Variants in TBC1D30 observed in about 807,000 individuals in gnomAD.
TBC1D30 encodes the protein TBC1 domain family, member 30.
Under a neutral mutation model 63.2 loss-of-function variants are expected in TBC1D30, and 31 were observed. The observed-to-expected ratio is 0.49, with a 90% CI of 0.37 to 0.66. TBC1D30 has a LOEUF of 0.66. TBC1D30 is among the 30% of genes least tolerant of loss of function. The pLI is 0.00. For missense variants in TBC1D30, 810 were observed against 953.6 expected (o/e 0.85, Z 1.98); for synonymous variants, 307 against 361.5 (o/e 0.85, Z 1.71).
rs146298033 is a variant in TBC1D30 at position 64,860,119 on chromosome 12, G to A, written c.1039-4549G>A. On this transcript the variant is annotated intron_variant, in intron 8 of 11. Coordinates refer to ENST00000539867, the MANE Select transcript of TBC1D30 (RefSeq NM_015279.2). ...TGCAGTCTTGACTTCCTGGGCTCAAGCGATTCTCCCACCTCAGCCCCCCAA... is the reference window on the plus strand; with the variant it reads ...TGCAGTCTTGACTTCCTGGGCTCAAACGATTCTCCCACCTCAGCCCCCCAA... 2.4e-3 allele frequency among the ~76,000 whole-genome samples: 361 copies of A among 151,666 alleles called. 2 individuals carry two copies. Among genetic ancestry groups the A allele is most frequent in the Non-Finnish European group, 4.4e-3 (298 of 67,934 alleles).
intron 2 of TBC1D30, among the ~76,000 whole-genome samples, chr12:64,787,852 A>G (rs1430153844): frequency 6.6e-6 from 1 of 152,210 alleles, no homozygotes; most frequent in Non-Finnish European, 1.5e-5. Context: ...CCTCGCCAAC[A>G]CGGTGAAACC....
At chr12:64,790,465 G>A (rs1007170197) in intron 2 of TBC1D30, among the ~76,000 whole-genome samples, 1 of 152,028 alleles carries the variant, frequency 6.6e-6, no homozygotes, top group Non-Finnish European at 1.5e-5. Context: ...TCCTGCATTG[G>A]TATAGTAAAT....
rs1878328596 is a variant in TBC1D30 at position 64,867,560 on chromosome 12, A to G, written c.1291+657A>G. Among the ~76,000 whole-genome samples, 3 of 151,662 alleles carry G rather than the reference A, an allele frequency of 2.0e-5. No individual in the cohort carries two copies. In the South Asian group the frequency reaches 6.3e-4, roughly 32 times the overall value. On this transcript the variant is annotated intron_variant, in intron 10 of 11. Coordinates refer to ENST00000539867, the MANE Select transcript of TBC1D30 (RefSeq NM_015279.2). ...GTATTATGTGTTGCATGCGTAGTAC[A>G]CATTTCTTTTTCTCTGTGGTGACTT...
At chr12:64,859,156 C>G (rs561815807) in intron 8 of TBC1D30, among the ~76,000 whole-genome samples, 2 of 151,760 alleles carry the variant, frequency 1.3e-5, no homozygotes, top group South Asian at 2.1e-4. Context: ...GTTGAAGGCT[C>G]TGGTGCAGAG....
chr12:64,798,501 G>A (rs1872408806), intron 2 of TBC1D30, among the ~76,000 whole-genome samples: 1 of 152,230 alleles, frequency 6.6e-6, no homozygotes, highest in Non-Finnish European at 1.5e-5. Flanking sequence ...AGGAGAAGGT[G>A]TTGCTGACAT....
rs923280034 is a variant in TBC1D30 at position 64,824,859 on chromosome 12, C to A, written c.-21C>A. 6 of 1,530,758 alleles carry A rather than the reference C, an allele frequency of 3.9e-6. No individual in the cohort carries two copies. Among genetic ancestry groups the A allele is most frequent in the African/African-American group, 1.4e-5 (1 of 72,860 alleles). The allele number at this position is 1,530,758 out of a possible 1,614,324, so 94.8% of individuals were successfully genotyped here. On this transcript the variant is annotated 5_prime_UTR_variant, in exon 1 of 12. Transcript: ENST00000539867. ...GGACCGAGACGGACGGTAGCCGTGC[C>A]AGAGCCCGGGGCGCTCTCGGATGCG...
chr12:64,809,388 TGGTCTCCA>T lies in TBC1D30; in HGVS notation c.644-18445_644-18438del, dbSNP rs546408682. ...TACTGAGTTACTTCACTTAGAATAA[TGGTCTCCA>T]GCTCCATCCAGGTTGCTGCAAATGC... On this transcript the variant is annotated intron_variant, in intron 2 of 12. Coordinates refer to the TBC1D30 transcript ENST00000542120. Among the ~76,000 whole-genome samples the T allele has an allele frequency of 1.2e-4, 19 of 152,328 alleles. No homozygotes were observed. In the East Asian group the frequency reaches 3.5e-3, roughly 28 times the overall value.
rs1879379675 is a variant in TBC1D30 at position 64,880,341 on chromosome 12, G to A, written c.*4553G>A. The A allele has an allele frequency of 6.6e-6, 1 of 152,320 alleles. No individual in the cohort carries two copies. The highest frequency in any genetic ancestry group is 1.5e-5 in the Non-Finnish European group (1 of 68,108). 9.4% of individuals were successfully genotyped at this position (152,320 alleles called of 1,614,324 possible). ...AATGTCTGACTCAGTTCAGGCTGCTGTAACAAAGTACCATAGACTGAGGTG... is the reference window on the plus strand; with the variant it reads ...AATGTCTGACTCAGTTCAGGCTGCTATAACAAAGTACCATAGACTGAGGTG... On this transcript the variant is annotated 3_prime_UTR_variant, in exon 12 of 12. Coordinates refer to ENST00000539867, the MANE Select transcript of TBC1D30 (RefSeq NM_015279.2).
chr12:64,852,200 G>C (rs570797699), intron 8 of TBC1D30, among the ~76,000 whole-genome samples: 27 of 152,214 alleles, frequency 1.8e-4, no homozygotes, highest in Admixed American at 1.3e-3. Context: ...ATATTTCTTA[G>C]AGGCTTTGTT....
At chr12:64,826,838 A>G (rs1298476433) in intron 1 of TBC1D30, among the ~76,000 whole-genome samples, 2 of 152,220 alleles carry the variant, frequency 1.3e-5, no homozygotes, top group Non-Finnish European at 1.5e-5. Flanking sequence ...CAGGGTTCCA[A>G]GAACACCTGC....
At chr12:64,800,114 CA>C (rs1015302277) in intron 2 of TBC1D30, among the ~76,000 whole-genome samples, 39 of 152,142 alleles carry the variant, frequency 2.6e-4, no homozygotes, top group African/African-American at 9.2e-4. Context: ...TCAAACAAAA[CA>C]AAACAAAACA....
rs1310942489 is a variant in TBC1D30, at chr12:64,828,425, A to G, written c.217-19A>G. The G allele has an allele frequency of 6.5e-7, 1 of 1,530,440 alleles. No individual in the cohort carries two copies. Among genetic ancestry groups the G allele is most frequent in the South Asian group, 1.2e-5 (1 of 83,878 alleles). The allele number at this position is 1,530,440 out of a possible 1,614,324, so 94.8% of individuals were successfully genotyped here. ...TAGGTCACTGTGATCACCTCCTGGG[A>G]TTTCTTCTTTGTTCCTAGTGGTACG... On this transcript the variant is annotated intron_variant, in intron 2 of 11. Transcript: ENST00000539867.
chr12:64,868,414 T>C, intron 10 of TBC1D30: 1 of 218,850 alleles, frequency 4.6e-6, no homozygotes, highest in Non-Finnish European at 9.0e-6. Context: ...TTGATACCTC[T>C]GATCCTTAGG....
chr12:64,808,024 T>C lies in TBC1D30; in HGVS notation c.644-19811T>C, dbSNP rs567460341. 1.3e-4 allele frequency among the ~76,000 whole-genome samples: 20 copies of C among 150,294 alleles called. 1 individual carries two copies. The South Asian group carries it at 4.0e-3, about 30-fold the overall frequency. On this transcript the variant is annotated intron_variant, in intron 2 of 12. Transcript: ENST00000542120. ...CTCACCTCAGTCCTGGAAAGTGCTA[T>C]GATTTAACAGCATGAGCCACTATGC...
At position 64,878,785 on chromosome 12, in the gene TBC1D30, C is replaced by A; in HGVS notation, c.*2997C>A. 1 of 294,688 alleles carries A rather than the reference C, an allele frequency of 3.4e-6. No individual in the cohort carries two copies. The highest frequency in any genetic ancestry group is 3.3e-5 in the South Asian group (1 of 30,556). 18.3% of individuals were successfully genotyped at this position (294,688 alleles called of 1,614,324 possible). A position where few individuals can be genotyped will look rare whatever the true frequency, so the allele number is the denominator to read the frequency against. On this transcript the variant is annotated 3_prime_UTR_variant, in exon 12 of 12. Coordinates refer to ENST00000539867, the MANE Select transcript of TBC1D30 (RefSeq NM_015279.2). The stretch of plus-strand genomic sequence containing the variant: ...TAAGCTCTATCTCCCCCAGTCTAAT[C>A]GCTGGGTTGCAGGGTGGCCTGTGAC...
At chr12:64,799,849 G>T (rs563088648) in intron 2 of TBC1D30, among the ~76,000 whole-genome samples, 1 of 152,174 alleles carries the variant, frequency 6.6e-6, no homozygotes, top group Non-Finnish European at 1.5e-5. Flanking sequence ...GCTCATGCCT[G>T]TAATCCCAGC....
chr12:64,812,727 C>T (rs1168019740), intron 2 of TBC1D30, among the ~76,000 whole-genome samples: 3 of 151,616 alleles, frequency 2.0e-5, no homozygotes, highest in Admixed American at 1.3e-4. Context: ...GAAAATTACT[C>T]ACTTAAACTT....
At chr12:64,775,616 C>T (rs1210295771), upstream of TBC1D30, among the ~76,000 whole-genome samples, 1 of 152,052 alleles carries the variant, frequency 6.6e-6, no homozygotes, top group Non-Finnish European at 1.5e-5. Flanking sequence ...ATAGGAATAC[C>T]CAGATTCATA....
intron 2 of TBC1D30, among the ~76,000 whole-genome samples, chr12:64,804,708 A>AT (rs1215377329): frequency 2.0e-5 from 3 of 152,030 alleles, no homozygotes; most frequent in Non-Finnish European, 2.9e-5. Context: ...CACAAAATTC[A>AT]TTTTTTTCCT....
Sources: allele counts gnomAD v4.1 joint callset (sites outside exome capture counted in the v4.1 genomes callset), GRCh38; gene constraint gnomAD v4.1.1; transcripts MANE v1.5; gene names NCBI Gene and HGNC (gene_info 2026-07-23, HGNC 2026-07-21).